The following ERC2 variants were observed in gnomAD, a reference collection of about 807,000 sequenced individuals.
The protein encoded by ERC2 is ERC protein 2.
In ERC2, 42 loss-of-function variants were observed where a neutral mutation model predicts 114.8. That is an observed-to-expected ratio of 0.37 (90% confidence interval 0.29 to 0.47). The LOEUF (loss-of-function observed/expected upper bound fraction) is 0.47. Ranked by LOEUF, ERC2 falls within the 20% of genes least tolerant of loss-of-function variation. The pLI is 0.99. For synonymous variants in ERC2, 454 were observed against 425.5 expected, an observed-to-expected ratio of 1.07 and a Z score of -0.82; for missense variants, 939 against 1,150.7, an observed-to-expected ratio of 0.82 and a Z score of 2.66.
chr3:55,532,071 C>A (rs1358623015), intron 17 of ERC2, among the ~76,000 whole-genome samples: 1 of 152,238 alleles, frequency 6.6e-6, no homozygotes, highest in African/African-American at 2.4e-5. Context: ...TTGGCTTGAG[C>A]TACATCACCC....
Position 56,436,023 on chromosome 3 carries a change from AG to A in ERC2, c.-140-877del, listed in dbSNP as rs369421945. 1.7e-4 allele frequency among the ~76,000 whole-genome samples: 26 copies of A among 152,342 alleles called. No individual in the cohort carries two copies. In the East Asian group the frequency reaches 5.0e-3, roughly 29 times the overall value. ...CACGGTTACTGAAGTATACTAGTGA[AG>A]ATTTTATGTAGCTGGGGCTACAGCA... is the stretch of plus-strand genomic sequence containing the variant. On this transcript the variant is annotated intron_variant, in intron 1 of 17. Transcript: ENST00000288221.
At position 55,636,433 on chromosome 3, in the gene ERC2, C is replaced by T. The variant is rs555959903; in HGVS notation, c.*39+47361G>A. Among the ~76,000 whole-genome samples, 4 of 152,272 alleles carry T rather than the reference C, an allele frequency of 2.6e-5. No homozygotes were observed. In the South Asian group the frequency reaches 6.2e-4, roughly 24 times the overall value. ...CTGCAAAATGGGGTAATAACATCAT[C>T]GCCTCACACAGCTGTTATAAGATTG... On this transcript the variant is annotated intron_variant, in intron 17 of 17. Coordinates refer to ENST00000288221, the MANE Select transcript of ERC2 (RefSeq NM_015576.3).
chr3:56,379,890 A>G (rs2059682677), intron 2 of ERC2, among the ~76,000 whole-genome samples: 1 of 152,190 alleles, frequency 6.6e-6, no homozygotes. Context: ...TGATGATGAT[A>G]AGAACTAACA....
At chr3:55,863,109 C>G (rs1335923926) in intron 14 of ERC2, among the ~76,000 whole-genome samples, 1 of 152,082 alleles carries the variant, frequency 6.6e-6, no homozygotes, top group Non-Finnish European at 1.5e-5. Context: ...AAAAGGAGAC[C>G]ACAGAGCCCT....
Position 56,410,570 on chromosome 3 carries a change from C to G in ERC2, c.657+23781G>C, listed in dbSNP as rs977050473. Among the ~76,000 whole-genome samples the G allele has an allele frequency of 3.9e-5, 6 of 152,286 alleles. No individual in the cohort carries two copies. The East Asian group carries it at 1.2e-3, about 29-fold the overall frequency. ...ACAGAAACTCGAAAAGACCAAATAG[C>G]TGGTTAGTGATGTCAAGAATTTTGA... On this transcript the variant is annotated intron_variant, in intron 2 of 17. Transcript: ENST00000288221.
At chr3:56,440,159 T>C (rs1440218148) in intron 1 of ERC2, among the ~76,000 whole-genome samples, 5 of 152,216 alleles carry the variant, frequency 3.3e-5, no homozygotes, top group Admixed American at 2.0e-4. Context: ...GAAAACACTC[T>C]CAATCCTGTC....
intron 7 of ERC2, among the ~76,000 whole-genome samples, chr3:56,076,663 T>C (rs2076991411): frequency 1.3e-5 from 2 of 152,182 alleles, no homozygotes; most frequent in Admixed American, 6.6e-5. Flanking sequence ...GCCAAAAGTA[T>C]GTTAGTAGGG....
chr3:55,597,455 A>G (rs1295181321), intron 17 of ERC2, among the ~76,000 whole-genome samples: 6 of 151,610 alleles, frequency 4.0e-5, no homozygotes, highest in Admixed American at 3.9e-4. Flanking sequence ...AACCTTACAC[A>G]TCAAGGCCAA....
intron 2 of ERC2, among the ~76,000 whole-genome samples, chr3:56,356,588 T>C (rs778741712): frequency 6.6e-5 from 10 of 152,212 alleles, no homozygotes; most frequent in Non-Finnish European, 1.3e-4. Context: ...TGGTCAAGCA[T>C]CTACTCTCAC....
At chr3:56,111,169 G>C (rs1177710743) in intron 6 of ERC2, among the ~76,000 whole-genome samples, 2 of 152,110 alleles carry the variant, frequency 1.3e-5, no homozygotes, top group Non-Finnish European at 2.9e-5. Flanking sequence ...CAAATCCTGT[G>C]CTTCAGTCCC....
chr3:56,413,638 C>A (rs899908031), intron 2 of ERC2, among the ~76,000 whole-genome samples: 2 of 152,156 alleles, frequency 1.3e-5, no homozygotes, highest in Non-Finnish European at 2.9e-5. Flanking sequence ...ACCAAAACCC[C>A]ACCCAAACTC....
chr3:55,543,756 G>C lies in ERC2; in HGVS notation c.*40-32480C>G, dbSNP rs199796595. ...GCATGGATCTCCTCGTTCCTGCTGC[G>C]CTGTCTCTGTGTGCCATTTGCTTCT... is the stretch of plus-strand genomic sequence containing the variant. On this transcript the variant is annotated intron_variant, in intron 17 of 17. Coordinates refer to ENST00000288221, the MANE Select transcript of ERC2 (RefSeq NM_015576.3). 3.7e-4 allele frequency among the ~76,000 whole-genome samples: 57 copies of C among 152,298 alleles called. No homozygotes were observed. In the East Asian group the frequency reaches 0.011, roughly 28 times the overall value.
At chr3:56,032,259 A>T (rs2074418951) in intron 7 of ERC2, among the ~76,000 whole-genome samples, 1 of 152,224 alleles carries the variant, frequency 6.6e-6, no homozygotes. Context: ...GTATTCCTTG[A>T]TAGCAACACA....
Position 55,832,677 on chromosome 3 carries a change from T to C in ERC2, c.2564+55712A>G, listed in dbSNP as rs533342134. Among the ~76,000 whole-genome samples the C allele has an allele frequency of 3.9e-5, 6 of 152,190 alleles. No homozygotes were observed. The South Asian group carries it at 1.0e-3, about 26-fold the overall frequency. ...TGGGGAGAAAACAGAGCAGAAAAAC[T>C]GGAAACTCTAAAAAGCAGAGCGCCT... is the stretch of plus-strand genomic sequence containing the variant. On this transcript the variant is annotated intron_variant, in intron 14 of 17. Coordinates refer to ENST00000288221, the MANE Select transcript of ERC2 (RefSeq NM_015576.3).
chr3:56,458,551 C>T (rs1014340471), intron 1 of ERC2, among the ~76,000 whole-genome samples: 3 of 152,280 alleles, frequency 2.0e-5, no homozygotes, highest in African/African-American at 2.4e-5. Flanking sequence ...AACTGCTCCA[C>T]GCTCACAAGC....
chr3:55,797,753 T>C (rs553873325), intron 14 of ERC2, among the ~76,000 whole-genome samples: 82 of 152,324 alleles, frequency 5.4e-4, no homozygotes, highest in African/African-American at 1.9e-3. Context: ...TAAGTGTGTA[T>C]TGCATATTGA....
intron 17 of ERC2, among the ~76,000 whole-genome samples, chr3:55,539,415 CTTTTTTTTTTTTTT>C (rs58749389): frequency 1.5e-4 from 6 of 39,090 alleles, no homozygotes; most frequent in Non-Finnish European, 2.3e-4. Context: ...TTTTTTCTTT[CTTTTTTTTTTTTTT>C]TTTTTTTTTT....
At chr3:55,949,185 C>G (rs1269536160) in intron 13 of ERC2, among the ~76,000 whole-genome samples, 2 of 151,838 alleles carry the variant, frequency 1.3e-5, no homozygotes, top group African/African-American at 2.4e-5. Flanking sequence ...CTGGCTAACA[C>G]AGTGAAACCC....
At chr3:56,088,051 G>T (rs28654676) in intron 6 of ERC2, among the ~76,000 whole-genome samples, 1,998 of 152,196 alleles carry the variant, frequency 0.013, 35 homozygotes, top group African/African-American at 0.03. Flanking sequence ...GAAACGCTGT[G>T]TTTTCTTCAG....
Sources: gnomAD v4.1 joint callset for allele counts (sites outside exome capture counted in the v4.1 genomes callset) on GRCh38, gnomAD v4.1.1 for gene constraint, MANE v1.5 for transcripts, NCBI Gene and HGNC (gene_info 2026-07-23, HGNC 2026-07-21) for gene names.